ZEB1: variants seen among roughly 807,000 people sequenced by gnomAD.
ZEB1 encodes zinc finger E-box binding homeobox 1.
Under a neutral mutation model 84.9 loss-of-function variants are expected in ZEB1, and 21 were observed. That is an observed-to-expected ratio of 0.25 (90% CI 0.18 to 0.36). The LOEUF is 0.36. ZEB1 is among the 10% of genes least tolerant of loss of function. The pLI is 1.00. For synonymous variants in ZEB1, 420 were observed against 471.1 expected, an observed-to-expected ratio of 0.89 and a Z score of 1.41; for missense variants, 1,104 against 1,330.2, an observed-to-expected ratio of 0.83 and a Z score of 2.65.
intron 1 of ZEB1, among the ~76,000 whole-genome samples, chr10:31,354,044 A>C (rs777280824): frequency 1.3e-5 from 2 of 152,224 alleles, no homozygotes; most frequent in Non-Finnish European, 2.9e-5. Flanking sequence ...GTTTCTCAGA[A>C]TATTTTAAAG....
At chr10:31,495,954 T>C in intron 3 of ZEB1, 116 bp downstream of exon 3, 1 of 1,117,890 alleles carries the variant, frequency 8.9e-7, no homozygotes, top group Non-Finnish European at 1.4e-6. Flanking sequence ...TATCTTACCT[T>C]CCTTAAATGT....
chr10:31,491,871 A>G (rs1219783539), intron 2 of ZEB1, among the ~76,000 whole-genome samples: 2 of 151,950 alleles, frequency 1.3e-5, no homozygotes, highest in African/African-American at 4.8e-5. Context: ...AAATATTCAC[A>G]TACATATTAT....
intron 1 of ZEB1, among the ~76,000 whole-genome samples, chr10:31,346,235 C>A (rs1160932420): frequency 6.6e-6 from 1 of 152,134 alleles, no homozygotes; most frequent in African/African-American, 2.4e-5. Flanking sequence ...ACTCTTACCT[C>A]CCTATGAACA....
chr10:31,481,653 A>G (rs2065057516), intron 2 of ZEB1, among the ~76,000 whole-genome samples: 1 of 151,934 alleles, frequency 6.6e-6, no homozygotes, highest in South Asian at 2.1e-4. Flanking sequence ...GCAAGACTCC[A>G]TCTCAAAAAA....
At chr10:31,498,858 CGT>C (rs2067681260) in intron 3 of ZEB1, among the ~76,000 whole-genome samples, 2 of 151,750 alleles carry the variant, frequency 1.3e-5, no homozygotes, top group Admixed American at 6.6e-5. Flanking sequence ...TTTATGCAAA[CGT>C]ATATTAATTA....
intron 3 of ZEB1, among the ~76,000 whole-genome samples, chr10:31,499,069 A>C (rs1371361675): frequency 6.6e-6 from 1 of 152,174 alleles, no homozygotes; most frequent in Non-Finnish European, 1.5e-5. Context: ...GTCAATGAAA[A>C]TATTTTAATG....
chr10:31,448,977 C>G (rs972837303), intron 1 of ZEB1, among the ~76,000 whole-genome samples: 50 of 152,356 alleles, frequency 3.3e-4, no homozygotes, highest in South Asian at 1.0e-3. Flanking sequence ...TTTACCTAAT[C>G]AAGCCTGGGC....
intron 1 of ZEB1, among the ~76,000 whole-genome samples, chr10:31,380,885 T>C (rs2047507685): frequency 6.6e-6 from 1 of 152,164 alleles, no homozygotes; most frequent in African/African-American, 2.4e-5. Context: ...ATCAGGATAA[T>C]TTTATGTAGT....
At chr10:31,318,762 C>A (rs1298460097), upstream of ZEB1, 1 of 182,290 alleles carries the variant, frequency 5.5e-6, no homozygotes, top group African/African-American at 2.4e-5. Context: ...CAGGCGGGGA[C>A]CTCTGGGCGC....
chr10:31,380,022 G>T (rs914417197), intron 1 of ZEB1, among the ~76,000 whole-genome samples: 1 of 152,064 alleles, frequency 6.6e-6, no homozygotes, highest in Admixed American at 6.6e-5. Flanking sequence ...CAGTTTCTCT[G>T]CTTTTAACTG....
At chr10:31,367,684 C>T (rs1250863110) in intron 1 of ZEB1, among the ~76,000 whole-genome samples, 1 of 152,088 alleles carries the variant, frequency 6.6e-6, no homozygotes, top group Non-Finnish European at 1.5e-5. Context: ...TTTTTAAACT[C>T]ACTTTCTAAA....
chr10:31,321,479 G>A, intron 1 of ZEB1: 1 of 1,613,982 alleles, frequency 6.2e-7, no homozygotes. Context: ...GCGTCAAATA[G>A]TGTGTGTTCC....
At chr10:31,352,330 A>G (rs2041454477) in intron 1 of ZEB1, among the ~76,000 whole-genome samples, 1 of 152,172 alleles carries the variant, frequency 6.6e-6, no homozygotes, top group Non-Finnish European at 1.5e-5. Flanking sequence ...ATTTTCCATA[A>G]TTCTATTTCG....
intron 1 of ZEB1, among the ~76,000 whole-genome samples, chr10:31,403,282 A>T (rs925344640): frequency 1.3e-5 from 2 of 152,094 alleles, no homozygotes; most frequent in Non-Finnish European, 2.9e-5. Flanking sequence ...ATACAACCTG[A>T]TACTTAATAA....
At chr10:31,508,109 G>A (rs888339848) in intron 4 of ZEB1, among the ~76,000 whole-genome samples, 4 of 152,138 alleles carry the variant, frequency 2.6e-5, no homozygotes, top group African/African-American at 9.7e-5. Context: ...AATTGTTAGT[G>A]GAGGCTGAGG....
chr10:31,415,712 G>A (rs879457563), intron 1 of ZEB1, among the ~76,000 whole-genome samples: 5 of 152,026 alleles, frequency 3.3e-5, no homozygotes, highest in Non-Finnish European at 5.9e-5. Flanking sequence ...TCATTTGAAA[G>A]CAAAATCTGT....
intron 2 of ZEB1, among the ~76,000 whole-genome samples, chr10:31,476,764 A>C (rs2064263622): frequency 6.6e-6 from 1 of 152,130 alleles, no homozygotes; most frequent in African/African-American, 2.4e-5. Flanking sequence ...TTTGCAAGTC[A>C]GTAAATGTGA....
intron 1 of ZEB1, among the ~76,000 whole-genome samples, chr10:31,433,916 G>A (rs1220877453): frequency 1.3e-5 from 2 of 152,088 alleles, no homozygotes. Flanking sequence ...TATAAAAATG[G>A]TTTTGACCTT....
rs762799225 is a variant in ZEB1 at position 31,524,094 on chromosome 10, A to G, written c.2766A>G (p.Arg922=). Reference sequence around the variant, plus strand: ...TCCAAAAGAGTAGTTCATTATTGAGACATAAATATGAACACACAGGTATGT... The same window carrying G: ...TCCAAAAGAGTAGTTCATTATTGAGGCATAAATATGAACACACAGGTATGT... ...KIFQKSSSLL[R]HKYEHTGKRP... The change falls in exon 8 of 9, where the codon AGA becomes AGG. Residue 922 remains arginine (R), a synonymous_variant. Transcript: ENST00000424869. 1 of 1,613,926 alleles carries G rather than the reference A, an allele frequency of 6.2e-7. No individual in the cohort carries two copies. The highest frequency in any genetic ancestry group is 8.5e-7 in the Non-Finnish European group (1 of 1,179,876).
Sources: allele counts gnomAD v4.1 joint callset (sites outside exome capture counted in the v4.1 genomes callset), GRCh38; gene constraint gnomAD v4.1.1; transcripts MANE v1.5; gene names NCBI Gene and HGNC (gene_info 2026-07-23, HGNC 2026-07-21).